FLACC1: variants seen among roughly 807,000 people sequenced by gnomAD.
FLACC1 encodes the protein flagellum associated containing coiled-coil domains 1.
A neutral mutation model predicts 62.8 loss-of-function variants in FLACC1; 66 were observed. That is an observed-to-expected ratio of 1.05 (90% CI 0.86 to 1.29). The LOEUF (loss-of-function observed/expected upper bound fraction) is 1.29, where lower values mean the gene tolerates loss of function less well. Among genes scored for constraint, FLACC1 ranks in the 50% most tolerant of loss-of-function variants. The pLI is 0.00. For missense variants in FLACC1, 452 were observed against 489.1 expected, an observed-to-expected ratio of 0.92 and a Z score of 0.71; for synonymous variants, 156 against 161.0, an observed-to-expected ratio of 0.97 and a Z score of 0.24.
rs1301526618 is a variant in FLACC1 at position 201,327,650 on chromosome 2, T to TA, written c.675+2819dup. Among the ~76,000 whole-genome samples, 20 of 152,088 alleles carry TA rather than the reference T, an allele frequency of 1.3e-4. No homozygotes were observed. In the South Asian group the frequency reaches 1.9e-3, roughly 14 times the overall value. The stretch of plus-strand genomic sequence containing the variant: ...TGCAAGAATGGTCATTATTAAAAAG[T>TA]AAAAAAACAATATATTTTGGTGTGG... On this transcript the variant is annotated intron_variant, in intron 9 of 14. Transcript: ENST00000392257.
At position 201,357,012 on chromosome 2, in the gene FLACC1, T is replaced by G. The variant is rs184654760; in HGVS notation, c.-78A>C. The G allele has an allele frequency of 1.3e-5, 2 of 152,238 alleles. No homozygotes were observed. Among genetic ancestry groups the G allele is most frequent in the South Asian group, 2.1e-4 (1 of 4,836 alleles). The allele number at this position is 152,238 out of a possible 1,614,324, so 9.4% of individuals were successfully genotyped here. On this transcript the variant is annotated 5_prime_UTR_variant, in exon 1 of 15. It removes an upstream start codon present in the reference 5' UTR. Coordinates refer to ENST00000392257, the MANE Select transcript of FLACC1 (RefSeq NM_001127391.3). ...ACTGCCCAAAGATCTGTTATTCTCA[T>G]GTGGCCCAAGTCAAACATCTTAAAG... is the stretch of plus-strand genomic sequence containing the variant.
intron 12 of FLACC1, among the ~76,000 whole-genome samples, chr2:201,295,604 A>G (rs1412195941): frequency 6.6e-6 from 1 of 152,250 alleles, no homozygotes; most frequent in African/African-American, 2.4e-5. Context: ...GGCATGGGCA[A>G]GGACTTCATG....
At chr2:201,310,625 T>A (rs1950200225) in intron 9 of FLACC1, among the ~76,000 whole-genome samples, 1 of 152,184 alleles carries the variant, frequency 6.6e-6, no homozygotes, top group Non-Finnish European at 1.5e-5. Context: ...AATGGATGGG[T>A]TTTATTCTGA....
chr2:201,342,377 T>C lies in FLACC1; in HGVS notation c.517A>G (p.Lys173Glu). The C allele has an allele frequency of 6.2e-7, 1 of 1,614,252 alleles. No individual in the cohort carries two copies. Among genetic ancestry groups the C allele is most frequent in the Non-Finnish European group, 8.5e-7 (1 of 1,180,034 alleles). ...CCATGCCAGAAAGTGTACCTGTTCT[T>C]GTTTTCAAAGTTCTGTTTCATCTCA... ...CAEMKQNFENKNRELKEAHEA... is the reference protein window; with the variant it reads ...CAEMKQNFENENRELKEAHEA... The change falls in exon 7 of 15, where the codon AAG becomes GAG. Residue 173 changes from lysine to glutamate, a missense_variant. Around this residue, in one of 3 missense-constraint regions of FLACC1, gnomAD observed 301 missense variants for 318.4 expected, o/e 0.95. Coordinates refer to ENST00000392257, the MANE Select transcript of FLACC1 (RefSeq NM_001127391.3).
At chr2:201,334,872 A>C (rs1950663504) in intron 7 of FLACC1, among the ~76,000 whole-genome samples, 1 of 151,690 alleles carries the variant, frequency 6.6e-6, no homozygotes, top group South Asian at 2.1e-4. Context: ...AATTGATGTT[A>C]GTTCTTATTT....
Position 201,346,515 on chromosome 2 carries a change from A to AGCTGCATGTT in FLACC1, c.368+17_368+26dup. ...GAGCTGGGTGGGAGTAGCCCCAAGC[A>AGCTGCATGTT]GCTGCATGTTGCTGCAACAGCATTA... On this transcript the variant is annotated intron_variant, in intron 5 of 14. Transcript: ENST00000392257. The surrounding 1 kb of genome is among the most constrained non-coding windows in gnomAD (Gnocchi z 4.0). 6.2e-7 allele frequency: 1 copy of AGCTGCATGTT among 1,611,758 alleles called. No individual in the cohort carries two copies. Among genetic ancestry groups the AGCTGCATGTT allele is most frequent in the Non-Finnish European group, 8.5e-7 (1 of 1,179,786 alleles).
intron 7 of FLACC1, among the ~76,000 whole-genome samples, chr2:201,332,449 T>C (rs562972799): frequency 6.6e-6 from 1 of 152,224 alleles, no homozygotes; most frequent in South Asian, 2.1e-4. Context: ...GTTTTCACCA[T>C]GTTGGCCAGG....
At chr2:201,338,404 C>T (rs926162993) in intron 7 of FLACC1, among the ~76,000 whole-genome samples, 9 of 151,824 alleles carry the variant, frequency 5.9e-5, no homozygotes, top group Non-Finnish European at 1.0e-4. Flanking sequence ...TTTTCTTTTG[C>T]GGGATTGCTC....
chr2:201,313,268 C>T (rs1950249550), intron 9 of FLACC1, among the ~76,000 whole-genome samples: 1 of 152,134 alleles, frequency 6.6e-6, no homozygotes, highest in Non-Finnish European at 1.5e-5. Flanking sequence ...CAGGGAAGCA[C>T]AAAAGCACTA....
At chr2:201,295,442 A>G (rs1449062883) in intron 12 of FLACC1, among the ~76,000 whole-genome samples, 1 of 152,230 alleles carries the variant, frequency 6.6e-6, no homozygotes, top group African/African-American at 2.4e-5. Context: ...TGGTGCTTGG[A>G]AAACTGGCTA....
At position 201,334,911 on chromosome 2, in the gene FLACC1, G is replaced by A. The variant is rs556171257; in HGVS notation, c.525-4078C>T. On this transcript the variant is annotated intron_variant, in intron 7 of 14. Coordinates refer to ENST00000392257, the MANE Select transcript of FLACC1 (RefSeq NM_001127391.3). ...ATGTCAGGTAGAATTAAGCAGTAAA[G>A]GCACCAGGTCTGGGTTTTTTTTGGA... Among the ~76,000 whole-genome samples, 10 of 152,154 alleles carry A rather than the reference G, an allele frequency of 6.6e-5. No homozygotes were observed. In the East Asian group the frequency reaches 1.9e-3, roughly 29 times the overall value.
intron 9 of FLACC1, among the ~76,000 whole-genome samples, chr2:201,321,657 C>G (rs541486551): frequency 2.6e-5 from 4 of 152,296 alleles, no homozygotes. Context: ...CACAATTTTT[C>G]TCTATTTGGA....
At chr2:201,336,930 T>TATGTCTTCTTTTAAGAA (rs1031512958) in intron 7 of FLACC1, among the ~76,000 whole-genome samples, 4 of 152,250 alleles carry the variant, frequency 2.6e-5, no homozygotes, top group African/African-American at 4.8e-5. Context: ...TGGCTATTCG[T>TATGTCTTCTTTTAAGAA]ATGTCTTCTT....
At chr2:201,335,895 G>T (rs980691928) in intron 7 of FLACC1, among the ~76,000 whole-genome samples, 2 of 151,848 alleles carry the variant, frequency 1.3e-5, no homozygotes, top group African/African-American at 4.8e-5. Flanking sequence ...CCACTTCCTT[G>T]GTTAAATTTA....
intron 11 of FLACC1, among the ~76,000 whole-genome samples, chr2:201,304,799 C>A (rs1192526804): frequency 6.6e-6 from 1 of 152,192 alleles, no homozygotes; most frequent in Non-Finnish European, 1.5e-5. Context: ...ACAATCTGAT[C>A]TTTGACAAAC....
At chr2:201,330,604 A>G in intron 8 of FLACC1, 82 bp from the exon 9 acceptor site, 1 of 1,530,780 alleles carries the variant, frequency 6.5e-7, no homozygotes, top group Non-Finnish European at 9.0e-7. Flanking sequence ...TCTTCTGCAC[A>G]CCTTCCCCAC....
At chr2:201,293,015 C>CA (rs1343224932) in intron 12 of FLACC1, among the ~76,000 whole-genome samples, 1 of 152,174 alleles carries the variant, frequency 6.6e-6, no homozygotes, top group Non-Finnish European at 1.5e-5. Context: ...CAGCCAGATT[C>CA]ATAAAGTAAG....
upstream of FLACC1, among the ~76,000 whole-genome samples, chr2:201,359,153 G>A (rs1951162466): frequency 6.6e-6 from 1 of 152,200 alleles, no homozygotes; most frequent in Non-Finnish European, 1.5e-5. Flanking sequence ...ATGCTGGGAT[G>A]AGCGAAAAGG....
At chr2:201,324,787 A>G (rs1950471705) in intron 9 of FLACC1, among the ~76,000 whole-genome samples, 1 of 152,226 alleles carries the variant, frequency 6.6e-6, no homozygotes, top group Admixed American at 6.5e-5. Flanking sequence ...ATCAAGATGG[A>G]AATTTAAAAA....
Sources: gnomAD v4.1 joint callset for allele counts (sites outside exome capture counted in the v4.1 genomes callset) on GRCh38, gnomAD v4.1.1 for gene constraint, gnomAD v4.1.1 regional missense constraint, Gnocchi (gnomAD v3.1) non-coding constraint, MANE v1.5 for transcripts, NCBI Gene and HGNC (gene_info 2026-07-23, HGNC 2026-07-21) for gene names.